The following SLC9A6 variants were observed in gnomAD, a reference collection of about 807,000 sequenced individuals.
The protein encoded by SLC9A6 is sodium/hydrogen exchanger 6.
SLC9A6 carries 6 observed loss-of-function variants against 45.3 expected under a neutral mutation model. The observed-to-expected ratio is 0.13, with a 90% confidence interval of 0.07 to 0.26. The LOEUF (loss-of-function observed/expected upper bound fraction) is 0.26. Among genes scored for constraint, SLC9A6 ranks in the 10% least tolerant of loss-of-function variants. The pLI is 1.00. For synonymous variants in SLC9A6, 191 were observed against 187.7 expected, an observed-to-expected ratio of 1.02 and a Z score of -0.14; for missense variants, 278 against 503.7, an observed-to-expected ratio of 0.55 and a Z score of 4.29.
In SLC9A6 at chrX:135,985,736, C is replaced by T; in HGVS notation, c.78C>T (p.Ile26=). 8.3e-6 allele frequency: 10 copies of T among 1,211,805 alleles called. No individual in the cohort carries two copies. The highest frequency in any genetic ancestry group is 1.1e-5 in the Non-Finnish European group (10 of 895,465). Residue 26 remains isoleucine, a synonymous_variant, in exon 2 of 18, where the codon ATC becomes ATT. Transcript: ENST00000630721. ...ACAGCGCCAACCTGCTCATCTTCAT[C>T]CTGCTGCTCACCCTCACCATTCTCA... ...RQDSANLLIF[I]LLLTLTILTI... is the part of the protein sequence containing the mutation.
intron 1 of SLC9A6, chrX:135,975,380 A>G (rs2089255746): frequency 8.9e-6 from 1 of 112,451 alleles, no homozygotes; most frequent in East Asian, 2.8e-4. Context: ...GCTTTTGCTC[A>G]AAGATGCGTC....
intron 11 of SLC9A6, among the ~76,000 whole-genome samples, chrX:136,020,174 CT>C (rs1328129704): frequency 9.0e-6 from 1 of 111,207 alleles, no homozygotes; most frequent in African/African-American, 3.3e-5. Context: ...ATTCCCCCCC[CT>C]TCCCCCGCCA....
At chrX:136,021,136 A>G (rs941134945) in intron 11 of SLC9A6, among the ~76,000 whole-genome samples, 5 of 111,216 alleles carry the variant, frequency 4.5e-5, no homozygotes, top group African/African-American at 1.6e-4. Flanking sequence ...CTATATATCC[A>G]TATATGTAGA....
upstream of SLC9A6, chrX:135,973,865 G>A: frequency 8.6e-7 from 1 of 1,159,068 alleles, no homozygotes; most frequent in South Asian, 1.9e-5. Context: ...GAAGCAGAAA[G>A]CTACACGGAA....
rs796053281 is a variant in SLC9A6 at position 135,998,521 on chromosome X, G to A, written c.487G>A (p.Ala163Thr). Residue 163 changes from alanine (A) to threonine (T), a missense_variant, in exon 5 of 18, where the codon GCT (alanine) becomes ACT (threonine). Physicochemically the swap from Ala to Thr is moderately conservative, Grantham distance 58. Transcript: ENST00000630721. ...AAATCTTGGGTCTATCCTAGCATACGCTTTTCTTGGAACAGCAATTTCTTG... is the reference window on the plus strand; with the variant it reads ...AAATCTTGGGTCTATCCTAGCATACACTTTTCTTGGAACAGCAATTTCTTG... Reference protein sequence around the residue: ...FRNLGSILAYAFLGTAISCFV... With the variant: ...FRNLGSILAYTFLGTAISCFV... 8.4e-7 allele frequency: 1 copy of A among 1,189,789 alleles called. No homozygotes were observed. Among genetic ancestry groups the A allele is most frequent in the Non-Finnish European group, 1.1e-6 (1 of 885,009 alleles).
chrX:136,011,078 C>T (rs1269917535), intron 8 of SLC9A6, among the ~76,000 whole-genome samples: 2 of 111,845 alleles, frequency 1.8e-5, no homozygotes, highest in Admixed American at 9.5e-5. Context: ...GACGGGAAGC[C>T]CAAAGGACCT....
intron 17 of SLC9A6, among the ~76,000 whole-genome samples, chrX:136,040,403 C>T (rs2071487553): frequency 8.9e-6 from 1 of 112,002 alleles, no homozygotes; most frequent in South Asian, 3.7e-4. Flanking sequence ...GATATAGAAT[C>T]GTGCCTCATC....
At chrX:136,022,746 T>C (rs1603213907) in intron 12 of SLC9A6, 49 bp downstream of exon 12, 2 of 746,432 alleles carry the variant, frequency 2.7e-6, no homozygotes, top group Admixed American at 2.3e-5. Flanking sequence ...CCATTCACAA[T>C]GCGTGTGCCA....
chrX:135,973,906 T>C, upstream of SLC9A6: 1 of 1,144,427 alleles, frequency 8.7e-7, no homozygotes. Context: ...GAACCTGCGC[T>C]ATGGAGGCCT....
intron 8 of SLC9A6, among the ~76,000 whole-genome samples, chrX:136,011,241 T>C (rs189660449): frequency 2.7e-5 from 3 of 112,442 alleles, no homozygotes; most frequent in Non-Finnish European, 5.6e-5. Flanking sequence ...TATTTTTATT[T>C]ATTTATTTGT....
At chrX:136,016,046 A>G (rs1362182750) in intron 10 of SLC9A6, among the ~76,000 whole-genome samples, 1 of 110,891 alleles carries the variant, frequency 9.0e-6, no homozygotes, top group African/African-American at 3.3e-5. Context: ...CTGCTATCCT[A>G]CAGATCGATC....
Position 135,994,831 on chromosome X carries a change from G to C in SLC9A6, c.215G>C (p.Ser72Thr), listed in dbSNP as rs1556616246. ...CTTCGGTATGGCATTCATGTTCCGA[G>C]TGATGTAAATAATGTGACCCTGAGC... is the stretch of plus-strand genomic sequence containing the variant. Reference protein sequence around the residue: ...LVLRYGIHVPSDVNNVTLSCE... With the variant: ...LVLRYGIHVPTDVNNVTLSCE... Residue 72 changes from serine to threonine, a missense_variant, in exon 3 of 18, where the codon AGT becomes ACT. Ser to Thr is a moderately conservative substitution (Grantham distance 58). Around this residue, in one of 5 missense-constraint regions of SLC9A6, gnomAD observed 118 missense variants for 209.9 expected, o/e 0.56. Coordinates refer to ENST00000630721, the MANE Select transcript of SLC9A6 (RefSeq NM_001379110.1). The C allele has an allele frequency of 8.3e-7, 1 of 1,211,694 alleles. No individual in the cohort carries two copies. Among genetic ancestry groups the C allele is most frequent in the East Asian group, 3.0e-5 (1 of 33,845 alleles).
chrX:135,985,540 G>A (rs186203433), intron 1 of SLC9A6, 63 bp downstream of exon 1: 3 of 1,162,926 alleles, frequency 2.6e-6, no homozygotes, highest in Admixed American at 2.4e-5. Context: ...CCCCTCCGCC[G>A]TGGCGTCGGC....
chrX:136,030,042 T>G, intron 14 of SLC9A6, 90 bp from the exon 15 acceptor site: 174 of 856,020 alleles, frequency 2.0e-4, no homozygotes, highest in Middle Eastern at 3.0e-4. Context: ...GCTTCTGTGT[T>G]GAGAAAAGTA....
intron 15 of SLC9A6, chrX:136,032,986 C>T (rs1218830221): frequency 1.5e-5 from 2 of 132,039 alleles, no homozygotes; most frequent in Non-Finnish European, 3.0e-5. Context: ...GCCTCAGCCT[C>T]CTGAGTAGCT....
upstream of SLC9A6, among the ~76,000 whole-genome samples, chrX:135,980,987 G>A (rs1556613927): frequency 8.9e-6 from 1 of 112,155 alleles, no homozygotes; most frequent in African/African-American, 3.2e-5. Context: ...CCTGTTGAAT[G>A]ACAAACTTGT....
intron 11 of SLC9A6, among the ~76,000 whole-genome samples, chrX:136,019,186 A>G (rs1258767365): frequency 1.8e-5 from 2 of 112,318 alleles, no homozygotes; most frequent in African/African-American, 6.5e-5. Flanking sequence ...AAAAGACTCA[A>G]ACTAATCCAG....
intron 16 of SLC9A6, among the ~76,000 whole-genome samples, chrX:136,038,799 T>C (rs1466751888): frequency 9.2e-6 from 1 of 108,702 alleles, no homozygotes; most frequent in Non-Finnish European, 1.9e-5. Flanking sequence ...TTCTAAGGAA[T>C]TTTTTCTTGT....
At chrX:136,041,311 G>A (rs1444169578) in intron 17 of SLC9A6, among the ~76,000 whole-genome samples, 2 of 111,023 alleles carry the variant, frequency 1.8e-5, no homozygotes, top group Non-Finnish European at 3.8e-5. Flanking sequence ...CTCCCTCCCC[G>A]TGCCCCCATT....
Sources: gnomAD v4.1 joint callset for allele counts (sites outside exome capture counted in the v4.1 genomes callset) on GRCh38, gnomAD v4.1.1 for gene constraint, gnomAD v4.1.1 regional missense constraint, MANE v1.5 for transcripts, NCBI Gene and HGNC (gene_info 2026-07-23, HGNC 2026-07-21) for gene names.